FTCDNL1: variants seen among roughly 807,000 people sequenced by gnomAD.
FTCDNL1 encodes the protein formiminotransferase cyclodeaminase N-terminal like.
Under a neutral mutation model 5.9 loss-of-function variants are expected in FTCDNL1, and 11 were observed. The ratio of observed to expected loss-of-function variants is 1.87; its 90% confidence interval spans 1.18 to 3.10. The LOEUF (loss-of-function observed/expected upper bound fraction) is 3.10. FTCDNL1 is among the 30% of genes most tolerant of loss of function. The pLI is 0.00. For missense variants in FTCDNL1, 115 were observed against 65.5 expected (o/e 1.76, Z -2.61); for synonymous variants, 58 against 24.8 (o/e 2.34, Z -3.99).
At chr2:199,833,415 C>T (rs1013090228) in intron 3 of FTCDNL1, among the ~76,000 whole-genome samples, 1 of 152,192 alleles carries the variant, frequency 6.6e-6, no homozygotes, top group Non-Finnish European at 1.5e-5. Flanking sequence ...TTGGTATTGA[C>T]CTTTCACTTG....
the FTCDNL1 span, among the ~76,000 whole-genome samples, chr2:199,708,560 T>C: frequency 6.6e-6 from 1 of 152,168 alleles, no homozygotes; most frequent in Admixed American, 6.5e-5. Flanking sequence ...TACCTATGAA[T>C]AAAGCAAATT....
the FTCDNL1 span, among the ~76,000 whole-genome samples, chr2:199,752,738 CTCTG>C: frequency 8.2e-3 from 207 of 25,270 alleles, 1 homozygote; most frequent in African/African-American, 0.011. Flanking sequence ...ATCTCTCTCT[CTCTG>C]TGTGTGTGTG....
At chr2:199,760,478 C>G (rs534329504), downstream of FTCDNL1, 5 of 242,496 alleles carry the variant, frequency 2.1e-5, no homozygotes, top group Non-Finnish European at 4.0e-5. Context: ...CAAACAAACA[C>G]AAATGCCTTT....
At chr2:199,786,276 C>A (rs1699644117) in intron 3 of FTCDNL1, among the ~76,000 whole-genome samples, 1 of 151,768 alleles carries the variant, frequency 6.6e-6, no homozygotes, top group Non-Finnish European at 1.5e-5. Flanking sequence ...TATATGCATA[C>A]ACATAATGGG....
chr2:199,757,340 G>A (rs1215862632), downstream of FTCDNL1, among the ~76,000 whole-genome samples: 4 of 152,220 alleles, frequency 2.6e-5, no homozygotes, highest in East Asian at 7.7e-4. Flanking sequence ...TGCCACTAGA[G>A]ATGGGGAGAG....
At chr2:199,798,734 C>T (rs1261242472) in intron 3 of FTCDNL1, among the ~76,000 whole-genome samples, 1 of 152,180 alleles carries the variant, frequency 6.6e-6, no homozygotes, top group African/African-American at 2.4e-5. Context: ...GACAAGACAA[C>T]AATGAGCAGG....
At chr2:199,677,004 A>G in the FTCDNL1 span, among the ~76,000 whole-genome samples, 103 of 152,238 alleles carry the variant, frequency 6.8e-4, no homozygotes, top group South Asian at 1.7e-3. Flanking sequence ...TTTTACTACT[A>G]TTGGGTTACG....
At chr2:199,715,633 A>G in the FTCDNL1 span, among the ~76,000 whole-genome samples, 1 of 152,180 alleles carries the variant, frequency 6.6e-6, no homozygotes, top group African/African-American at 2.4e-5. Context: ...CTAATACAGC[A>G]TAACACACAA....
downstream of FTCDNL1, among the ~76,000 whole-genome samples, chr2:199,755,730 T>A (rs1698053492): frequency 1.3e-5 from 2 of 152,182 alleles, no homozygotes; most frequent in Admixed American, 1.3e-4. Context: ...CACTCCCTAA[T>A]GGTATGAACT....
intron 3 of FTCDNL1, among the ~76,000 whole-genome samples, chr2:199,761,754 A>G (rs1698284034): frequency 1.3e-5 from 2 of 152,152 alleles, no homozygotes; most frequent in Non-Finnish European, 2.9e-5. Context: ...TCCTGTCTTC[A>G]GGATTTTGTA....
chr2:199,847,904 T>G (rs1023205680), intron 2 of FTCDNL1, among the ~76,000 whole-genome samples: 2 of 152,244 alleles, frequency 1.3e-5, no homozygotes, highest in Admixed American at 6.5e-5. Flanking sequence ...TCATAGACAT[T>G]TCTAGCTCCT....
At position 199,819,572 on chromosome 2, in the gene FTCDNL1, C is replaced by G; in HGVS notation, c.397G>C (p.Ala133Pro). ...AAPSQRCGLT[A>P]CFRAL ...GCAAAGCAAAAACCATGCTCAGAAC[C>G]TGTTAAACCACATCTTTGGGAAGGG... The change falls in exon 4 of 5, where the codon GCT becomes CCT. Residue 133 changes from alanine (A) to proline (P), a missense_variant and splice_region_variant. Ala to Pro is a conservative substitution (Grantham distance 27). Coordinates refer to ENST00000420128, the MANE Select transcript of FTCDNL1 (RefSeq NM_001363886.2). The G allele has an allele frequency of 2.8e-6, 2 of 701,994 alleles. No individual in the cohort carries two copies. The highest frequency in any genetic ancestry group is 5.2e-6 in the Non-Finnish European group (2 of 384,738). The allele number at this position is 701,994 out of a possible 1,614,324, so 43.5% of individuals were successfully genotyped here.
At chr2:199,836,259 G>A (rs1305427222) in intron 3 of FTCDNL1, among the ~76,000 whole-genome samples, 1 of 152,034 alleles carries the variant, frequency 6.6e-6, no homozygotes, top group Non-Finnish European at 1.5e-5. Context: ...CAACCTCCTG[G>A]GCTCAAGGGA....
At chr2:199,731,695 C>T in the FTCDNL1 span, among the ~76,000 whole-genome samples, 5 of 151,978 alleles carry the variant, frequency 3.3e-5, no homozygotes, top group Non-Finnish European at 5.9e-5. Flanking sequence ...GAGACCATCC[C>T]AGCTAAAACG....
At chr2:199,816,277 T>C (rs1045594316) in intron 4 of FTCDNL1, among the ~76,000 whole-genome samples, 2 of 152,186 alleles carry the variant, frequency 1.3e-5, no homozygotes, top group African/African-American at 2.4e-5. Context: ...GTAATTTTCC[T>C]GTTTCTTCCA....
the FTCDNL1 span, among the ~76,000 whole-genome samples, chr2:199,717,990 A>C: frequency 6.6e-6 from 1 of 151,128 alleles, no homozygotes; most frequent in Non-Finnish European, 1.5e-5. Context: ...AAAAAACAAA[A>C]AAAAAAAAAC....
the FTCDNL1 span, among the ~76,000 whole-genome samples, chr2:199,703,191 G>A: frequency 1.3e-5 from 2 of 151,804 alleles, no homozygotes; most frequent in South Asian, 2.1e-4. Context: ...ATCTCCTAAT[G>A]CTATCCCTCC....
the FTCDNL1 span, among the ~76,000 whole-genome samples, chr2:199,716,485 A>G: frequency 6.6e-6 from 1 of 152,136 alleles, no homozygotes; most frequent in Non-Finnish European, 1.5e-5. Flanking sequence ...GAGTAATTAT[A>G]TTGTCTACAC....
At chr2:199,831,613 T>C (rs1158916456) in intron 3 of FTCDNL1, among the ~76,000 whole-genome samples, 1 of 152,210 alleles carries the variant, frequency 6.6e-6, no homozygotes, top group East Asian at 1.9e-4. Context: ...ATTGGATTTA[T>C]TGGTTTATAC....
Sources: gnomAD v4.1 joint callset for allele counts (sites outside exome capture counted in the v4.1 genomes callset) on GRCh38, gnomAD v4.1.1 for gene constraint, MANE v1.5 for transcripts, NCBI Gene and HGNC (gene_info 2026-07-23, HGNC 2026-07-21) for gene names.